Variants in CEP63 observed in about 807,000 individuals in gnomAD.
CEP63 encodes the protein centrosomal protein 63.
A neutral mutation model predicts 89.1 loss-of-function variants in CEP63; 84 were observed. That is an observed-to-expected ratio of 0.94 (90% confidence interval 0.79 to 1.13). The LOEUF is 1.13. Among genes scored for constraint, CEP63 ranks in the 50% most tolerant of loss-of-function variants. The pLI, the probability that CEP63 is intolerant of heterozygous loss-of-function variation, is 0.00. For synonymous variants in CEP63, 267 were observed against 272.5 expected, an observed-to-expected ratio of 0.98 and a Z score of 0.20; for missense variants, 838 against 813.3, an observed-to-expected ratio of 1.03 and a Z score of -0.37.
the CEP63 span, among the ~76,000 whole-genome samples, chr3:134,674,755 T>A: frequency 1.3e-5 from 2 of 152,202 alleles, no homozygotes; most frequent in East Asian, 1.9e-4. Context: ...TAAAAATTAA[T>A]CATTTTTCTT....
chr3:134,603,728 C>A, the CEP63 span: 1 of 1,613,142 alleles, frequency 6.2e-7, no homozygotes, highest in South Asian at 1.1e-5. Flanking sequence ...GGCCATGTGT[C>A]CTGCCCCTTC....
At chr3:134,681,725 A>G in the CEP63 span, among the ~76,000 whole-genome samples, 9 of 152,214 alleles carry the variant, frequency 5.9e-5, no homozygotes, top group Non-Finnish European at 1.3e-4. Flanking sequence ...AACACTTCCA[A>G]GAGGAGGAAA....
chr3:134,538,115 G>T (rs1334101099), intron 6 of CEP63, among the ~76,000 whole-genome samples: 1 of 150,690 alleles, frequency 6.6e-6, no homozygotes, highest in Non-Finnish European at 1.5e-5. Flanking sequence ...TTAATATTAT[G>T]ATAATCTGTC....
At chr3:134,674,466 A>G in the CEP63 span, among the ~76,000 whole-genome samples, 2 of 152,378 alleles carry the variant, frequency 1.3e-5, no homozygotes, top group Admixed American at 6.5e-5. Context: ...ATCCATGAAT[A>G]TCACACAGCC....
upstream of CEP63, chr3:134,485,816 G>A (rs750051452): frequency 3.6e-5 from 8 of 219,680 alleles, no homozygotes; most frequent in Middle Eastern, 2.1e-3. Context: ...CTCCCGACAC[G>A]AGTGCAGTAA....
the CEP63 span, chr3:134,629,766 G>A: frequency 4.5e-6 from 4 of 884,006 alleles, no homozygotes; most frequent in African/African-American, 6.7e-5. Flanking sequence ...CATGACTGAT[G>A]ATTGAATAAA....
intron 11 of CEP63, among the ~76,000 whole-genome samples, chr3:134,570,820 G>A (rs2110279114): frequency 6.6e-6 from 1 of 152,340 alleles, no homozygotes; most frequent in South Asian, 2.1e-4. Flanking sequence ...CAGAAGAGGT[G>A]TAATGGACTT....
the CEP63 span, among the ~76,000 whole-genome samples, chr3:134,696,299 C>G: frequency 3.3e-4 from 50 of 152,304 alleles, no homozygotes; most frequent in Non-Finnish European, 6.3e-4. Context: ...CTGCCTGGGA[C>G]AAGCTCTGTA....
At chr3:134,592,618 AGGTTGAT>A (rs1485902230), downstream of CEP63, among the ~76,000 whole-genome samples, 1 of 151,676 alleles carries the variant, frequency 6.6e-6, no homozygotes, top group African/African-American at 2.4e-5. Flanking sequence ...CTTTTTTCTT[AGGTTGAT>A]CTGTTTTCTC....
At chr3:134,697,978 A>C in the CEP63 span, among the ~76,000 whole-genome samples, 1 of 152,188 alleles carries the variant, frequency 6.6e-6, no homozygotes, top group South Asian at 2.1e-4. Context: ...TTAGGACACG[A>C]GTGTCAGATG....
At chr3:134,515,775 C>T (rs1478032017) in intron 3 of CEP63, among the ~76,000 whole-genome samples, 1 of 152,040 alleles carries the variant, frequency 6.6e-6, no homozygotes, top group Non-Finnish European at 1.5e-5. Context: ...TTTTGGGCCA[C>T]ACATAAAATA....
At chr3:134,656,925 A>T in the CEP63 span, among the ~76,000 whole-genome samples, 2 of 152,256 alleles carry the variant, frequency 1.3e-5, no homozygotes, top group Non-Finnish European at 2.9e-5. Context: ...AAATCCCGTC[A>T]TCCCACCATC....
the CEP63 span, among the ~76,000 whole-genome samples, chr3:134,669,203 TG>T: frequency 0.03 from 4,493 of 151,888 alleles, 206 homozygotes; most frequent in African/African-American, 0.1. Context: ...ATTTTTTAAA[TG>T]TTTTTTGTAG....
chr3:134,578,812 C>A (rs567949426), downstream of CEP63, among the ~76,000 whole-genome samples: 1 of 152,204 alleles, frequency 6.6e-6, no homozygotes, highest in Non-Finnish European at 1.5e-5. Context: ...GATATTAGAT[C>A]TTTGTTAGAT....
At chr3:134,565,815 A>AT (rs940776583), downstream of CEP63, among the ~76,000 whole-genome samples, 15 of 152,132 alleles carry the variant, frequency 9.9e-5, no homozygotes, top group African/African-American at 3.4e-4. Flanking sequence ...AAAAGCACAG[A>AT]TTTTTTTTGT....
the CEP63 span, among the ~76,000 whole-genome samples, chr3:134,599,525 T>A: frequency 6.6e-6 from 1 of 152,232 alleles, no homozygotes; most frequent in Non-Finnish European, 1.5e-5. Context: ...GGAAAGTTTC[T>A]GCATGTATAT....
chr3:134,594,970 C>T, the CEP63 span, among the ~76,000 whole-genome samples: 1 of 152,156 alleles, frequency 6.6e-6, no homozygotes, highest in African/African-American at 2.4e-5. Context: ...CAGGAGGCCC[C>T]CAGCACATCC....
At chr3:134,581,678 C>CTTTTTTTTTT (rs1307921869) in intron 10 of CEP63, among the ~76,000 whole-genome samples, 5 of 18,516 alleles carry the variant, frequency 2.7e-4, no homozygotes, top group African/African-American at 1.1e-3. Context: ...ATGATGAAAA[C>CTTTTTTTTTT]ATTTTTTTTT....
At chr3:134,776,346 A>G in the CEP63 span, among the ~76,000 whole-genome samples, 11 of 152,366 alleles carry the variant, frequency 7.2e-5, no homozygotes, top group African/African-American at 2.4e-4. Flanking sequence ...ATTTAACTCA[A>G]TGTATTAAAA....
Sources: gnomAD v4.1 joint callset for allele counts (sites outside exome capture counted in the v4.1 genomes callset) on GRCh38, gnomAD v4.1.1 for gene constraint, MANE v1.5 for transcripts, NCBI Gene and HGNC (gene_info 2026-07-23, HGNC 2026-07-21) for gene names.